MYH10: variants seen among roughly 807,000 people sequenced by gnomAD.
MYH10 encodes the protein myosin-10.
In MYH10, 55 loss-of-function variants were observed where a neutral mutation model predicts 257.8. That is an observed-to-expected ratio of 0.21 (90% CI 0.17 to 0.27). MYH10 has a LOEUF of 0.27. Ranked by LOEUF, MYH10 falls within the 10% of genes least tolerant of loss-of-function variation. The probability of loss-of-function intolerance (pLI) is 1.00; values close to 1 mark genes in which losing one functional copy is unlikely to be tolerated. For synonymous variants in MYH10, 854 were observed against 921.7 expected, an observed-to-expected ratio of 0.93 and a Z score of 1.33; for missense variants, 1,631 against 2,500.6, an observed-to-expected ratio of 0.65 and a Z score of 7.42.
intron 3 of MYH10, among the ~76,000 whole-genome samples, chr17:8,593,553 T>C (rs1217848962): frequency 6.6e-6 from 1 of 152,154 alleles, no homozygotes. Flanking sequence ...AATTGAAATT[T>C]TGAAAGTTCC....
intron 3 of MYH10, among the ~76,000 whole-genome samples, chr17:8,592,933 C>CCATGTATATATATA (rs1555612260): frequency 2.2e-5 from 1 of 44,712 alleles, no homozygotes; most frequent in Non-Finnish European, 4.5e-5. Context: ...TCAAATCCAG[C>CCATGTATATATATA]TATATATATA....
Position 8,475,565 on chromosome 17 carries a change from G to A in MYH10, c.*239C>T, listed in dbSNP as rs1912414888. The A allele has an allele frequency of 2.2e-6, 1 of 462,374 alleles. No individual in the cohort carries two copies. Among genetic ancestry groups the A allele is most frequent in the African/African-American group, 2.0e-5 (1 of 50,920 alleles). 28.6% of individuals were successfully genotyped at this position (462,374 alleles called of 1,614,324 possible). A position where few individuals can be genotyped will look rare whatever the true frequency, so the allele number is the denominator to read the frequency against. ...TCTCTTGATGACTATATGGAAAATAGATGCAATGATGAAACAATCTGTTTA... is the reference window on the plus strand; with the variant it reads ...TCTCTTGATGACTATATGGAAAATAAATGCAATGATGAAACAATCTGTTTA... On this transcript the variant is annotated 3_prime_UTR_variant, in exon 43 of 43. Coordinates refer to ENST00000360416, the MANE Select transcript of MYH10 (RefSeq NM_001256012.3).
chr17:8,576,372 C>G (rs1219258370), intron 6 of MYH10, among the ~76,000 whole-genome samples: 1 of 151,930 alleles, frequency 6.6e-6, no homozygotes, highest in Non-Finnish European at 1.5e-5. Context: ...CATATGAAAC[C>G]ATAATTTATA....
intron 2 of MYH10, among the ~76,000 whole-genome samples, chr17:8,610,271 CAA>C (rs71361810): frequency 5.2e-4 from 24 of 45,970 alleles, no homozygotes; most frequent in Admixed American, 3.6e-4. Flanking sequence ...CATAGGATTG[CAA>C]AAAAAAAAAA....
rs1219731711 is a variant in MYH10 at position 8,477,062 on chromosome 17, C to T, written c.5707-14G>A. On this transcript the variant is annotated splice_polypyrimidine_tract_variant and intron_variant, in intron 41 of 42. Transcript: ENST00000360416. The surrounding 1 kb of genome is among the most constrained non-coding windows in gnomAD (Gnocchi z 4.2). ...GGCCTTCTCCATCTTGGGGAGGGTA[C>T]ATGAACCAAAACAAACCAAACTGGT... 2.5e-6 allele frequency: 4 copies of T among 1,613,404 alleles called. No individual in the cohort carries two copies. Among genetic ancestry groups the T allele is most frequent in the Non-Finnish European group, 3.4e-6 (4 of 1,179,874 alleles).
At chr17:8,527,244 T>G (rs1285910069) in intron 17 of MYH10, among the ~76,000 whole-genome samples, 3 of 152,158 alleles carry the variant, frequency 2.0e-5, no homozygotes, top group African/African-American at 7.2e-5. Context: ...CATTGGGAAA[T>G]TTTTAGAAAA....
chr17:8,595,770 C>CCATATCTTA (rs1275865273), intron 3 of MYH10, among the ~76,000 whole-genome samples: 1 of 107,884 alleles, frequency 9.3e-6, no homozygotes, highest in African/African-American at 3.5e-5. Context: ...AAGGGTTTTA[C>CCATATCTTA]CATATCTTAC....
intron 2 of MYH10, 69 bp downstream of exon 2, chr17:8,622,833 T>C: frequency 6.6e-7 from 1 of 1,508,908 alleles, no homozygotes; most frequent in Non-Finnish European, 9.0e-7. Flanking sequence ...CATTTGATTA[T>C]GACAAGATGT....
chr17:8,606,607 G>C (rs2084820905), intron 2 of MYH10, among the ~76,000 whole-genome samples: 1 of 152,194 alleles, frequency 6.6e-6, no homozygotes, highest in Admixed American at 6.5e-5. Context: ...TAAACCAAGA[G>C]AATGAAAGCC....
At chr17:8,486,543 CAAAAAAAAAAAA>C (rs67844660) in intron 36 of MYH10, among the ~76,000 whole-genome samples, 40 of 120,730 alleles carry the variant, frequency 3.3e-4, no homozygotes, top group African/African-American at 1.3e-3. Flanking sequence ...TATTTAGCTT[CAAAAAAAAAAAA>C]AAAAAAAAAA....
chr17:8,594,903 G>A (rs768880380), intron 3 of MYH10, among the ~76,000 whole-genome samples: 5 of 152,188 alleles, frequency 3.3e-5, no homozygotes, highest in Middle Eastern at 3.2e-3. Flanking sequence ...CAGTACAGGC[G>A]CAACCATCCA....
At chr17:8,481,804 C>T (rs537185463) in intron 37 of MYH10, among the ~76,000 whole-genome samples, 2 of 152,338 alleles carry the variant, frequency 1.3e-5, no homozygotes, top group South Asian at 4.1e-4. Flanking sequence ...GTATCTTTCA[C>T]ATAAACAGTT....
chr17:8,586,244 A>G (rs1310418801), intron 4 of MYH10, among the ~76,000 whole-genome samples: 1 of 152,224 alleles, frequency 6.6e-6, no homozygotes, highest in East Asian at 1.9e-4. Context: ...TTTTATTTCT[A>G]TAATTCCATG....
At chr17:8,592,958 T>TATATATATATATATATAC (rs2084223090) in intron 3 of MYH10, among the ~76,000 whole-genome samples, 1 of 118,116 alleles carries the variant, frequency 8.5e-6, no homozygotes, top group Non-Finnish European at 1.8e-5. Flanking sequence ...TATATATATA[T>TATATATATATATATATAC]ATATATATAT....
intron 17 of MYH10, among the ~76,000 whole-genome samples, chr17:8,527,191 GT>G (rs2081873524): frequency 6.6e-6 from 1 of 152,268 alleles, no homozygotes; most frequent in Admixed American, 6.5e-5. Flanking sequence ...GTTTACAGTG[GT>G]TACATAACTA....
chr17:8,508,372 G>T (rs2081142916), intron 26 of MYH10, among the ~76,000 whole-genome samples, 182 bp downstream of exon 26: 1 of 152,144 alleles, frequency 6.6e-6, no homozygotes, highest in Admixed American at 6.5e-5. Flanking sequence ...CAAAGTGCTA[G>T]GATTACAGGC....
intron 3 of MYH10, among the ~76,000 whole-genome samples, chr17:8,592,848 T>TAAAAAA: frequency 1.6e-5 from 1 of 64,162 alleles, no homozygotes; most frequent in Non-Finnish European, 3.2e-5. Flanking sequence ...AAAAAGACAT[T>TAAAAAA]GCAATAAAAG....
rs1913490674 is a variant in MYH10, at chr17:8,480,322, G to C, written c.5389-4C>G. On this transcript the variant is annotated splice_region_variant and splice_polypyrimidine_tract_variant and intron_variant, in intron 39 of 42. Coordinates refer to ENST00000360416, the MANE Select transcript of MYH10 (RefSeq NM_001256012.3). ...GCTCGGCGTTCAGTGTGTCCACCTA[G>C]AGAGGAGAGAGGAGTTTAGTCACTT... The C allele has an allele frequency of 6.2e-7, 1 of 1,613,806 alleles. No homozygotes were observed. The highest frequency in any genetic ancestry group is 8.5e-7 in the Non-Finnish European group (1 of 1,179,816).
At chr17:8,537,269 G>C (rs1567864686) in intron 14 of MYH10, among the ~76,000 whole-genome samples, 1 of 152,196 alleles carries the variant, frequency 6.6e-6, no homozygotes, top group Non-Finnish European at 1.5e-5. Context: ...AAGACTCTAA[G>C]ATCAGTTCTC....
Sources: allele counts gnomAD v4.1 joint callset (sites outside exome capture counted in the v4.1 genomes callset), GRCh38; gene constraint gnomAD v4.1.1; non-coding constraint Gnocchi (gnomAD v3.1); transcripts MANE v1.5; gene names NCBI Gene and HGNC (gene_info 2026-07-23, HGNC 2026-07-21).